ENTPD3: variants seen among roughly 807,000 people sequenced by gnomAD.
The protein encoded by ENTPD3 is ectonucleoside triphosphate diphosphohydrolase 3.
Under a neutral mutation model 51.2 loss-of-function variants are expected in ENTPD3, and 60 were observed. The observed-to-expected ratio is 1.17, with a 90% CI of 0.95 to 1.45. ENTPD3 has a LOEUF of 1.45. Among genes scored for constraint, ENTPD3 ranks in the 40% most tolerant of loss-of-function variants. ENTPD3 has a pLI of 0.00. For synonymous variants in ENTPD3, 221 were observed against 238.4 expected (o/e 0.93, Z 0.67); for missense variants, 593 against 641.1 (o/e 0.93, Z 0.81).
At chr3:40,396,679 C>T (rs1559508603) in intron 3 of ENTPD3, among the ~76,000 whole-genome samples, 1 of 152,102 alleles carries the variant, frequency 6.6e-6, no homozygotes, top group Admixed American at 6.5e-5. Flanking sequence ...TTTCACTCGG[C>T]CCCCAGTCCC....
At chr3:40,417,774 T>C (rs1024155354) in intron 7 of ENTPD3, among the ~76,000 whole-genome samples, 1 of 152,220 alleles carries the variant, frequency 6.6e-6, no homozygotes, top group Non-Finnish European at 1.5e-5. Context: ...AGAGAAGCTC[T>C]GGAAAATCCT....
intron 4 of ENTPD3, among the ~76,000 whole-genome samples, chr3:40,409,061 T>C (rs1021055860): frequency 1.3e-5 from 2 of 152,230 alleles, no homozygotes; most frequent in African/African-American, 4.8e-5. Context: ...GAGACCAGCC[T>C]GGCCAACATG....
intron 3 of ENTPD3, among the ~76,000 whole-genome samples, chr3:40,392,808 C>T (rs2125588030): frequency 1.3e-5 from 2 of 151,746 alleles, no homozygotes; most frequent in East Asian, 3.9e-4. Context: ...AGAAATTTTT[C>T]CAAAAAAAGG....
chr3:40,397,801 A>T (rs1424153348), intron 3 of ENTPD3, among the ~76,000 whole-genome samples: 1 of 152,092 alleles, frequency 6.6e-6, no homozygotes, highest in Non-Finnish European at 1.5e-5. Context: ...CTTATTCTAT[A>T]CATTTCTAAA....
intron 4 of ENTPD3, among the ~76,000 whole-genome samples, chr3:40,407,626 GC>G (rs1955534385): frequency 6.6e-6 from 1 of 152,072 alleles, no homozygotes; most frequent in Non-Finnish European, 1.5e-5. Context: ...ACGATATCCA[GC>G]CCCAGCTCAT....
At position 40,427,863 on chromosome 3, in the gene ENTPD3, C is replaced by T. The variant is rs1956014163; in HGVS notation, c.*355C>T. ...TGACCTCAGGGCTCAGTTTCCATTTCCCTCCCTCAGTATTCTTCCTGGCAA... is the reference window on the plus strand; with the variant it reads ...TGACCTCAGGGCTCAGTTTCCATTTTCCTCCCTCAGTATTCTTCCTGGCAA... On this transcript the variant is annotated 3_prime_UTR_variant, in exon 11 of 11. Coordinates refer to ENST00000301825, the MANE Select transcript of ENTPD3 (RefSeq NM_001248.4). The T allele has an allele frequency of 3.9e-6, 1 of 258,234 alleles. No individual in the cohort carries two copies. Among genetic ancestry groups the T allele is most frequent in the African/African-American group, 2.2e-5 (1 of 45,570 alleles). 16.0% of individuals were successfully genotyped at this position (258,234 alleles called of 1,614,324 possible). A position where few individuals can be genotyped will look rare whatever the true frequency, so the allele number is the denominator to read the frequency against.
At chr3:40,399,781 C>T (rs1264849759) in intron 3 of ENTPD3, among the ~76,000 whole-genome samples, 1 of 152,174 alleles carries the variant, frequency 6.6e-6, no homozygotes, top group East Asian at 1.9e-4. Flanking sequence ...TCAAGTTGGA[C>T]AAATTGGTCC....
At position 40,427,602 on chromosome 3, in the gene ENTPD3, C is replaced by T; in HGVS notation, c.*94C>T. The T allele has an allele frequency of 3.3e-6, 3 of 919,630 alleles. No individual in the cohort carries two copies. Among genetic ancestry groups the T allele is most frequent in the Admixed American group, 1.9e-5 (1 of 51,736 alleles). 57.0% of individuals were successfully genotyped at this position (919,630 alleles called of 1,614,324 possible). ...GTGAAGTGGCTGCCTTCAGGAAATA[C>T]AACTAACTAAAATCAAACACCTAGG... is the stretch of plus-strand genomic sequence containing the variant. On this transcript the variant is annotated 3_prime_UTR_variant, in exon 11 of 11. Transcript: ENST00000301825.
At chr3:40,421,732 T>G (rs1272954723) in intron 7 of ENTPD3, among the ~76,000 whole-genome samples, 1 of 152,126 alleles carries the variant, frequency 6.6e-6, no homozygotes, top group Admixed American at 6.6e-5. Context: ...ATCTCAAAGA[T>G]ATATAATTTT....
Position 40,391,869 on chromosome 3 carries a change from A to C in ENTPD3, c.41-154A>C, listed in dbSNP as rs1955063271. On this transcript the variant is annotated intron_variant, in intron 2 of 10. Transcript: ENST00000301825. ...CCAAAACTGGGGAGAAGGGGAGCTT[A>C]TTTGCTACTCCATCTTAGAAGTGTG... The C allele has an allele frequency of 9.8e-6, 8 of 819,722 alleles. No individual in the cohort carries two copies. The African/African-American group carries it at 1.2e-4, about 12-fold the overall frequency. 50.8% of individuals were successfully genotyped at this position (819,722 alleles called of 1,614,324 possible). A position where few individuals can be genotyped will look rare whatever the true frequency, so the allele number is the denominator to read the frequency against.
intron 2 of ENTPD3, among the ~76,000 whole-genome samples, chr3:40,390,661 G>T (rs1955032186): frequency 6.6e-6 from 1 of 152,152 alleles, no homozygotes; most frequent in African/African-American, 2.4e-5. Flanking sequence ...CAATTTATAA[G>T]TTTATAATGT....
chr3:40,388,411 T>C (rs377263483), intron 2 of ENTPD3, among the ~76,000 whole-genome samples: 1 of 152,146 alleles, frequency 6.6e-6, no homozygotes, highest in Non-Finnish European at 1.5e-5. Flanking sequence ...GAATACTGTA[T>C]TGTTGATTTT....
intron 1 of ENTPD3, 57 bp from the exon 2 acceptor site, chr3:40,387,989 A>T: frequency 6.9e-7 from 1 of 1,454,740 alleles, no homozygotes; most frequent in Non-Finnish European, 9.7e-7. Flanking sequence ...CTCGTTCTTT[A>T]AACTTGTGAG....
Position 40,423,390 on chromosome 3 carries a change from A to T in ENTPD3, c.1204A>T (p.Asn402Tyr), listed in dbSNP as rs768717050. The T allele has an allele frequency of 1.2e-6, 2 of 1,610,106 alleles. No homozygotes were observed. The highest frequency in any genetic ancestry group is 8.5e-7 in the Non-Finnish European group (1 of 1,176,442). The change falls in exon 9 of 11, where the codon AAT (asparagine) becomes TAT (tyrosine). Residue 402 changes from asparagine (N) to tyrosine (Y), a missense_variant. Physicochemically the swap from Asn to Tyr is moderately radical, Grantham distance 143. Coordinates refer to ENST00000301825, the MANE Select transcript of ENTPD3 (RefSeq NM_001248.4). ...CAGCACCTGGAATTTCTGCTCACAG[A>T]ATTGGAGTCAGGTCAGTATTTAAAG... ...NSSTWNFCSQ[N>Y]WSQLPLLLPK...
chr3:40,397,255 T>C (rs1289750863), intron 3 of ENTPD3, among the ~76,000 whole-genome samples: 4 of 150,584 alleles, frequency 2.7e-5, no homozygotes, highest in Non-Finnish European at 5.9e-5. Context: ...AAGTCTGCAA[T>C]GCACCTGATT....
intron 5 of ENTPD3, 146 bp from the exon 6 acceptor site, chr3:40,414,535 T>C (rs7645864): frequency 0.045 from 37,128 of 830,316 alleles, 4,100 homozygotes; most frequent in African/African-American, 0.34. Flanking sequence ...GCAAAAGGGA[T>C]TGTGGTGTAC....
In ENTPD3 at chr3:40,402,123, C is replaced by CTTTTTTTTTTTTTTTTTTTTTTTTT. The variant is rs58000344; in HGVS notation, c.286+1125_286+1126insTTTTTTTTTTTTTTTTTTTTTTTTT. Among the ~76,000 whole-genome samples, 70 of 95,064 alleles carry CTTTTTTTTTTTTTTTTTTTTTTTTT rather than the reference C, an allele frequency of 7.4e-4. 6 individuals are homozygous for CTTTTTTTTTTTTTTTTTTTTTTTTT. The highest frequency in any genetic ancestry group is 8.2e-4 in the Non-Finnish European group (43 of 52,278). The allele number at this position is 95,064 out of a possible 152,430, so 62.4% of individuals were successfully genotyped here. A position where few individuals can be genotyped will look rare whatever the true frequency, so the allele number is the denominator to read the frequency against. ...TTCATTTCCTTTCCTTTTTTTTTTTCTTTTTTTTTTTTTGAGACAGAGTCT... is the reference window on the plus strand; with the variant it reads ...TTCATTTCCTTTCCTTTTTTTTTTTCTTTTTTTTTTTTTTTTTTTTTTTTTTTTTTTTTTTTTTGAGACAGAGTCT... On this transcript the variant is annotated intron_variant, in intron 4 of 10. Coordinates refer to ENST00000301825, the MANE Select transcript of ENTPD3 (RefSeq NM_001248.4).
intron 6 of ENTPD3, among the ~76,000 whole-genome samples, chr3:40,415,628 T>A (rs1955727793): frequency 6.6e-6 from 1 of 152,158 alleles, no homozygotes; most frequent in Non-Finnish European, 1.5e-5. Flanking sequence ...ACACCTAATC[T>A]ACTTCACTCA....
intron 3 of ENTPD3, among the ~76,000 whole-genome samples, chr3:40,393,033 G>A (rs1368726060): frequency 6.6e-6 from 1 of 150,890 alleles, no homozygotes; most frequent in African/African-American, 2.4e-5. Context: ...CTTAGTCCCA[G>A]AGGCCCCTCT....
Sources: gnomAD v4.1 joint callset for allele counts (sites outside exome capture counted in the v4.1 genomes callset) on GRCh38, gnomAD v4.1.1 for gene constraint, MANE v1.5 for transcripts, NCBI Gene and HGNC (gene_info 2026-07-23, HGNC 2026-07-21) for gene names.